CCDC3: variants seen among roughly 807,000 people sequenced by gnomAD.
CCDC3 encodes the protein coiled-coil domain-containing protein 3.
A neutral mutation model predicts 21.4 loss-of-function variants in CCDC3; 24 were observed. That is an observed-to-expected ratio of 1.12 (90% CI 0.81 to 1.58). The LOEUF (loss-of-function observed/expected upper bound fraction) is 1.58. Among genes scored for constraint, CCDC3 ranks in the 40% most tolerant of loss-of-function variants. The pLI, the probability that CCDC3 is intolerant of heterozygous loss-of-function variation, is 0.00. For synonymous variants in CCDC3, 186 were observed against 166.0 expected (o/e 1.12, Z -0.93); for missense variants, 425 against 360.9 (o/e 1.18, Z -1.44).
chr10:13,071,303 C>T (rs1486721052), intron 4 of CCDC3, among the ~76,000 whole-genome samples: 2 of 150,432 alleles, frequency 1.3e-5, no homozygotes, highest in African/African-American at 2.5e-5. Context: ...GCAACCCCCC[C>T]TCAAGACGTA....
At chr10:12,970,903 A>T (rs63404461) in intron 2 of CCDC3, among the ~76,000 whole-genome samples, 2 of 147,496 alleles carry the variant, frequency 1.4e-5, no homozygotes, top group South Asian at 4.3e-4. Context: ...AAAAAAAAAA[A>T]TTGTCAGTCT....
chr10:12,925,475 C>A (rs574560236), intron 2 of CCDC3, among the ~76,000 whole-genome samples: 1 of 152,226 alleles, frequency 6.6e-6, no homozygotes, highest in Non-Finnish European at 1.5e-5. Flanking sequence ...GCAAACTCTC[C>A]GCAACTCCCC....
At chr10:12,973,934 TTGAC>T (rs1201534200) in intron 2 of CCDC3, among the ~76,000 whole-genome samples, 4 of 152,256 alleles carry the variant, frequency 2.6e-5, no homozygotes, top group Admixed American at 6.5e-5. Flanking sequence ...ATCTCCGACT[TTGAC>T]TGGGTCACTG....
At chr10:12,985,367 G>C (rs1835570968) in intron 2 of CCDC3, among the ~76,000 whole-genome samples, 2 of 147,614 alleles carry the variant, frequency 1.4e-5, no homozygotes, top group African/African-American at 5.4e-5. Context: ...ATTAATTTCA[G>C]GGTTTCTTTT....
chr10:13,024,002 C>T (rs908265971), intron 5 of CCDC3, among the ~76,000 whole-genome samples: 6 of 152,112 alleles, frequency 3.9e-5, no homozygotes, highest in African/African-American at 1.4e-4. Context: ...CAGTAAGGTA[C>T]ATGTAGCTAG....
chr10:13,038,235 T>C (rs960770986), intron 5 of CCDC3, among the ~76,000 whole-genome samples: 1 of 151,664 alleles, frequency 6.6e-6, no homozygotes, highest in African/African-American at 2.4e-5. Context: ...AGGGAGAGCA[T>C]CAGGAAGAGT....
At chr10:12,901,553 G>A (rs568225446) in intron 2 of CCDC3, among the ~76,000 whole-genome samples, 2 of 152,272 alleles carry the variant, frequency 1.3e-5, no homozygotes, top group South Asian at 2.1e-4. Flanking sequence ...GAGTACAGGC[G>A]TAAGTCACTG....
In CCDC3 at chr10:13,093,986, G is replaced by A. The variant is rs1832604576; in HGVS notation, c.-503+4539C>T. 2.0e-5 allele frequency among the ~76,000 whole-genome samples: 3 copies of A among 152,216 alleles called. No homozygotes were observed. In the South Asian group the frequency reaches 6.2e-4, roughly 32 times the overall value. On this transcript the variant is annotated intron_variant, in intron 3 of 6. Transcript: ENST00000378839. Reference sequence around the variant, plus strand: ...TTATTTTCCCAAATCACCAGCTCTGGCTAATTAATACTTAAACAGAAAATT... The same window carrying A: ...TTATTTTCCCAAATCACCAGCTCTGACTAATTAATACTTAAACAGAAAATT...
chr10:12,979,134 T>C (rs1055375751), intron 2 of CCDC3, among the ~76,000 whole-genome samples: 4 of 152,164 alleles, frequency 2.6e-5, no homozygotes, highest in Non-Finnish European at 5.9e-5. Context: ...TATCCCTCTC[T>C]ATAAACTAGC....
At chr10:12,996,729 G>A (rs1835767207) in intron 2 of CCDC3, among the ~76,000 whole-genome samples, 1 of 152,160 alleles carries the variant, frequency 6.6e-6, no homozygotes, top group Non-Finnish European at 1.5e-5. Flanking sequence ...AGCCCTGGGA[G>A]AAGCTCCCTT....
At chr10:13,054,530 C>A (rs567656952) in intron 4 of CCDC3, among the ~76,000 whole-genome samples, 1 of 152,060 alleles carries the variant, frequency 6.6e-6, no homozygotes, top group South Asian at 2.1e-4. Context: ...CTTTGGGTAC[C>A]CCCTGGCCTA....
At chr10:13,012,195 A>G (rs1835992527) in intron 5 of CCDC3, among the ~76,000 whole-genome samples, 2 of 152,204 alleles carry the variant, frequency 1.3e-5, no homozygotes, top group African/African-American at 4.8e-5. Context: ...AAAATTGACA[A>G]ATGAGACCTA....
At chr10:13,052,938 TCACACACACACACACACA>T (rs56261341) in intron 4 of CCDC3, among the ~76,000 whole-genome samples, 7,750 of 134,398 alleles carry the variant, frequency 0.058, 241 homozygotes, top group Middle Eastern at 0.11. Flanking sequence ...TGAGACTCTG[TCACACACACACACACACA>T]CACACACACA....
At chr10:12,979,020 A>C (rs1207913368) in intron 2 of CCDC3, among the ~76,000 whole-genome samples, 1 of 152,090 alleles carries the variant, frequency 6.6e-6, no homozygotes, top group African/African-American at 2.4e-5. Context: ...CCTCATCCAT[A>C]AGCCAGGCTC....
intron 2 of CCDC3, among the ~76,000 whole-genome samples, chr10:12,983,171 T>G (rs1309100475): frequency 1.4e-5 from 2 of 140,480 alleles, no homozygotes; most frequent in Non-Finnish European, 3.1e-5. Flanking sequence ...TATATATATA[T>G]ATAAAATCTA....
At chr10:12,991,643 C>T (rs906227514) in intron 2 of CCDC3, among the ~76,000 whole-genome samples, 5 of 152,128 alleles carry the variant, frequency 3.3e-5, no homozygotes, top group Non-Finnish European at 7.4e-5. Context: ...TTTGAACACA[C>T]GTTCTTAATG....
chr10:13,098,127 C>A (rs1226398539), intron 3 of CCDC3, among the ~76,000 whole-genome samples: 1 of 151,850 alleles, frequency 6.6e-6, no homozygotes, highest in Non-Finnish European at 1.5e-5. Context: ...CTTCAGGGCA[C>A]CCCCCACCCC....
At chr10:13,071,295 A>G (rs1458877945) in intron 4 of CCDC3, among the ~76,000 whole-genome samples, 2 of 132,116 alleles carry the variant, frequency 1.5e-5, no homozygotes, top group African/African-American at 3.0e-5. Context: ...GAGTCCACGC[A>G]ACCCCCCCTC....
chr10:13,019,094 C>T (rs1589041820), intron 5 of CCDC3, among the ~76,000 whole-genome samples: 1 of 152,078 alleles, frequency 6.6e-6, no homozygotes, highest in African/African-American at 2.4e-5. Context: ...ATTAGCCGGG[C>T]GTGGTGGCAG....
Sources: gnomAD v4.1 joint callset for allele counts (sites outside exome capture counted in the v4.1 genomes callset) on GRCh38, gnomAD v4.1.1 for gene constraint, MANE v1.5 for transcripts, NCBI Gene and HGNC (gene_info 2026-07-23, HGNC 2026-07-21) for gene names.